The following COL5A1 variants were observed in gnomAD, a reference collection of about 807,000 sequenced individuals.
COL5A1 encodes collagen alpha-1(V) chain.
COL5A1 carries 16 observed loss-of-function variants against 263.7 expected under a neutral mutation model. The observed-to-expected ratio is 0.06, with a 90% CI of 0.04 to 0.09. The LOEUF is 0.09. Ranked by LOEUF, COL5A1 falls within the 10% of genes least tolerant of loss-of-function variation. The probability of loss-of-function intolerance (pLI) is 1.00; values close to 1 mark genes in which losing one functional copy is unlikely to be tolerated. For missense variants in COL5A1, 2,036 were observed against 2,540.5 expected (o/e 0.80, Z 4.27); for synonymous variants, 1,012 against 1,004.5 (o/e 1.01, Z -0.14).
In COL5A1 at chr9:134,842,326, G is replaced by A. The variant is rs367707789; in HGVS notation, c.*23G>A. On this transcript the variant is annotated 3_prime_UTR_variant, in exon 66 of 66. Coordinates refer to ENST00000371817, the MANE Select transcript of COL5A1 (RefSeq NM_000093.5). This position sits in a 1 kb window ranked among gnomAD's most constrained non-coding sequence, Gnocchi z 5.8. ...TAGGAGCCGCCGAGCCCGGGCTCCC[G>A]AGAGCAACCTCGTGACCTCAGCATG... 41 of 1,613,532 alleles carry A rather than the reference G, an allele frequency of 2.5e-5. No individual in the cohort carries two copies. The highest frequency in any genetic ancestry group is 2.3e-4 in the African/African-American group (17 of 75,034).
chr9:134,717,771 G>A (rs895385077), intron 4 of COL5A1, among the ~76,000 whole-genome samples: 6 of 152,206 alleles, frequency 3.9e-5, no homozygotes, highest in African/African-American at 1.4e-4. Flanking sequence ...AGCACGAAGT[G>A]CTCTGGCTAA....
intron 30 of COL5A1, 107 bp from the exon 31 acceptor site, chr9:134,785,888 C>G: frequency 9.5e-7 from 1 of 1,051,822 alleles, no homozygotes; most frequent in Non-Finnish European, 1.4e-6. Context: ...CTGGAAACCA[C>G]ACCCTCCTCC....
rs571443709 is a variant in COL5A1 at position 134,840,411 on chromosome 9, C to T, written c.5371-1746C>T. ...AGGTGAGCTTCATTCCTTCTCACAGCGCCTCTGTGATGTGAGCATGCCCAT... is the reference window on the plus strand; with the variant it reads ...AGGTGAGCTTCATTCCTTCTCACAGTGCCTCTGTGATGTGAGCATGCCCAT... On this transcript the variant is annotated intron_variant, in intron 65 of 65. Transcript: ENST00000371817. Among the ~76,000 whole-genome samples, 22 of 152,284 alleles carry T rather than the reference C, an allele frequency of 1.4e-4. No individual in the cohort carries two copies. In the East Asian group the frequency reaches 2.5e-3, roughly 17 times the overall value.
chr9:134,709,178 G>A (rs1057108112), intron 4 of COL5A1: 7 of 350,730 alleles, frequency 2.0e-5, no homozygotes, highest in African/African-American at 8.6e-5. Flanking sequence ...CTACACCAGC[G>A]TGGAAAAGGG....
intron 2 of COL5A1, among the ~76,000 whole-genome samples, chr9:134,699,475 C>T (rs1833594352): frequency 2.1e-5 from 3 of 143,262 alleles, no homozygotes; most frequent in Admixed American, 1.4e-4. Context: ...CTCCCTCCCT[C>T]CCCCTCCCTC....
intron 24 of COL5A1, 92 bp from the exon 25 acceptor site, chr9:134,768,318 C>A: frequency 8.7e-7 from 1 of 1,143,062 alleles, no homozygotes; most frequent in Non-Finnish European, 1.3e-6. Context: ...GCTGTGTGGG[C>A]AGAAATGTTG....
chr9:134,684,901 C>T (rs1171166864), intron 1 of COL5A1, among the ~76,000 whole-genome samples: 1 of 151,678 alleles, frequency 6.6e-6, no homozygotes, highest in Non-Finnish European at 1.5e-5. Context: ...CATCCACCAT[C>T]TATCCATTCA....
intron 1 of COL5A1, among the ~76,000 whole-genome samples, chr9:134,688,306 C>T (rs899531478): frequency 1.3e-5 from 2 of 152,178 alleles, no homozygotes; most frequent in Admixed American, 6.5e-5. Flanking sequence ...CAGGAAGCCC[C>T]GGCCGGGATC....
chr9:134,785,156 T>A (rs1169500298), intron 30 of COL5A1, 60 bp downstream of exon 30: 6 of 1,412,852 alleles, frequency 4.2e-6, no homozygotes, highest in African/African-American at 4.2e-5. Context: ...CCCTTCCCCA[T>A]GGCCTCGGGC....
chr9:134,767,273 C>T (rs1441332210), intron 23 of COL5A1, 37 bp from the exon 24 acceptor site: 4 of 1,609,396 alleles, frequency 2.5e-6, no homozygotes, highest in African/African-American at 1.3e-5. Flanking sequence ...TCAATCAGCG[C>T]CCTCACCTTC....
At chr9:134,793,613 A>G (rs891722507) in intron 32 of COL5A1, among the ~76,000 whole-genome samples, 6 of 152,272 alleles carry the variant, frequency 3.9e-5, no homozygotes, top group Non-Finnish European at 7.4e-5. Context: ...GGTCCAGGTC[A>G]TAGTGGGACT....
intron 1 of COL5A1, among the ~76,000 whole-genome samples, chr9:134,667,759 G>A (rs565723066): frequency 9.7e-4 from 148 of 152,324 alleles, no homozygotes; most frequent in African/African-American, 3.2e-3. Context: ...GACAGTCATG[G>A]GAGGGGGTGA....
rs1250721334 is a variant in COL5A1 at position 134,782,723 on chromosome 9, G to C, written c.2484+3G>C. 6.2e-6 allele frequency: 10 copies of C among 1,613,910 alleles called. No homozygotes were observed. Among genetic ancestry groups the C allele is most frequent in the Non-Finnish European group, 8.5e-6 (10 of 1,179,930 alleles). Reference sequence around the variant, plus strand: ...ACATGGGCATCAAGGGTGATCGGGTGAGCATCTCAGGTTTGGGATTTGGGC... The same window carrying C: ...ACATGGGCATCAAGGGTGATCGGGTCAGCATCTCAGGTTTGGGATTTGGGC... On this transcript the variant is annotated splice_donor_region_variant and intron_variant, in intron 29 of 65. Coordinates refer to ENST00000371817, the MANE Select transcript of COL5A1 (RefSeq NM_000093.5).
At chr9:134,804,152 G>A (rs746588835) in intron 39 of COL5A1, among the ~76,000 whole-genome samples, 2 of 151,950 alleles carry the variant, frequency 1.3e-5, no homozygotes, top group Non-Finnish European at 2.9e-5. Flanking sequence ...TCACACACCC[G>A]GGTGTGCATG....
intron 4 of COL5A1, 103 bp downstream of exon 4, chr9:134,701,436 G>C: frequency 8.7e-7 from 1 of 1,145,768 alleles, no homozygotes; most frequent in Non-Finnish European, 1.3e-6. Context: ...GGACCGGCTG[G>C]CGGTCCACTG....
At chr9:134,692,199 G>A (rs1833309951) in intron 2 of COL5A1, among the ~76,000 whole-genome samples, 1 of 152,168 alleles carries the variant, frequency 6.6e-6, no homozygotes, top group Admixed American at 6.5e-5. Context: ...CAGCTTGGTG[G>A]AGGTGAGGTG....
chr9:134,690,947 C>T lies in COL5A1; in HGVS notation c.145C>T (p.His49Tyr), dbSNP rs372168541. The change falls in exon 2 of 66, where the codon CAC (histidine) becomes TAC (tyrosine). Residue 49 changes from histidine (H) to tyrosine (Y), a missense_variant. Physicochemically the swap from His to Tyr is moderately conservative, Grantham distance 83. Around this residue, in one of 3 missense-constraint regions of COL5A1, gnomAD observed 600 missense variants for 634.5 expected, o/e 0.95. Transcript: ENST00000371817. ...AGATCTCCTGAAGGTTCTAGATTTT[C>T]ACAACTTGCCTGATGGAATAACAAA... ...PADLLKVLDF[H>Y]NLPDGITKTT... 156 of 1,613,746 alleles carry T rather than the reference C, an allele frequency of 9.7e-5. No homozygotes were observed. Among genetic ancestry groups the T allele is most frequent in the Non-Finnish European group, 1.3e-4 (154 of 1,180,060 alleles).
intron 13 of COL5A1, among the ~76,000 whole-genome samples, 166 bp downstream of exon 13, chr9:134,751,048 C>T (rs765571000): frequency 1.3e-5 from 2 of 152,070 alleles, no homozygotes; most frequent in African/African-American, 2.4e-5. Flanking sequence ...GTCCAGTCCT[C>T]AGTGTCCAGT....
chr9:134,780,276 G>T, intron 28 of COL5A1, 130 bp downstream of exon 28: 1 of 878,442 alleles, frequency 1.1e-6, no homozygotes, highest in Admixed American at 1.8e-5. Context: ...TACTGAGGGG[G>T]ATGGATGCCA....
Sources: allele counts gnomAD v4.1 joint callset (sites outside exome capture counted in the v4.1 genomes callset), GRCh38; gene constraint gnomAD v4.1.1; regional missense constraint gnomAD v4.1.1; non-coding constraint Gnocchi (gnomAD v3.1); transcripts MANE v1.5; gene names NCBI Gene and HGNC (gene_info 2026-07-23, HGNC 2026-07-21).